The following VEZT variants were observed in gnomAD, a reference collection of about 807,000 sequenced individuals.
VEZT encodes vezatin, adherens junctions transmembrane protein, also known as vezatin.
A neutral mutation model predicts 79.9 loss-of-function variants in VEZT; 39 were observed. The observed-to-expected ratio is 0.49, with a 90% CI of 0.38 to 0.64. The LOEUF (loss-of-function observed/expected upper bound fraction) is 0.64. VEZT is among the 30% of genes least tolerant of loss of function. The pLI, the probability that VEZT is intolerant of heterozygous loss-of-function variation, is 0.00. For synonymous variants in VEZT, 325 were observed against 327.6 expected, an observed-to-expected ratio of 0.99 and a Z score of 0.09; for missense variants, 837 against 893.1, an observed-to-expected ratio of 0.94 and a Z score of 0.80.
intron 1 of VEZT, among the ~76,000 whole-genome samples, chr12:95,227,357 T>C (rs1289072487): frequency 7.7e-6 from 1 of 129,186 alleles, no homozygotes; most frequent in Non-Finnish European, 1.6e-5. Flanking sequence ...TTTTTTGAGA[T>C]GGAATTTTGT....
chr12:95,262,328 A>G (rs2064695803), intron 3 of VEZT: 2 of 152,262 alleles, frequency 1.3e-5, no homozygotes, highest in Admixed American at 1.3e-4. Context: ...CCTGGCTTAT[A>G]GAAGATATTC....
intron 1 of VEZT, among the ~76,000 whole-genome samples, chr12:95,235,434 C>T (rs2059940492): frequency 7.3e-6 from 1 of 136,928 alleles, no homozygotes. Flanking sequence ...CCACCTCCCT[C>T]CCGGACGGGG....
At chr12:95,258,211 C>CT (rs2063772958) in intron 3 of VEZT, 1 of 455,680 alleles carries the variant, frequency 2.2e-6, no homozygotes, top group South Asian at 1.5e-5. Context: ...AATGAAGTGT[C>CT]TTATCGTCTA....
At position 95,300,854 on chromosome 12, in the gene VEZT, C is replaced by T. The variant is rs1398030499; in HGVS notation, c.*181C>T. The T allele has an allele frequency of 7.9e-6, 6 of 759,952 alleles. No homozygotes were observed. Among genetic ancestry groups the T allele is most frequent in the Non-Finnish European group, 1.1e-5 (6 of 547,568 alleles). 47.1% of individuals were successfully genotyped at this position (759,952 alleles called of 1,614,324 possible). On this transcript the variant is annotated 3_prime_UTR_variant, in exon 12 of 12. Coordinates refer to ENST00000436874, the MANE Select transcript of VEZT (RefSeq NM_017599.4). ...TAGTAGTTACCTGTAAATGGCAGAT[C>T]TTTTAGGAAAATAAGAGAAAGGTAA...
At chr12:95,295,959 TA>T (rs2074050202) in intron 10 of VEZT, 91 bp from the exon 11 acceptor site, 3 of 989,652 alleles carry the variant, frequency 3.0e-6, no homozygotes, top group Non-Finnish European at 4.3e-6. Flanking sequence ...CCTTTTTTTT[TA>T]ATCTCAGAGA....
chr12:95,267,968 G>A (rs1004212554), intron 5 of VEZT, among the ~76,000 whole-genome samples: 1 of 151,950 alleles, frequency 6.6e-6, no homozygotes, highest in Non-Finnish European at 1.5e-5. Context: ...GCTGTAGTGA[G>A]CCAAGATTGT....
intron 9 of VEZT, chr12:95,293,549 A>G (rs1038647712): frequency 2.6e-5 from 4 of 152,244 alleles, no homozygotes; most frequent in Non-Finnish European, 4.4e-5. Context: ...TTCCTTGTGA[A>G]TTCATTTCCA....
intron 11 of VEZT, chr12:95,299,687 A>G (rs1301985059): frequency 6.6e-6 from 1 of 152,326 alleles, no homozygotes; most frequent in African/African-American, 2.4e-5. Context: ...ATGTATTATC[A>G]GTGAAAACCA....
chr12:95,244,123 C>T (rs1019973940), intron 1 of VEZT: 1 of 390,576 alleles, frequency 2.6e-6, no homozygotes, highest in Non-Finnish European at 5.0e-6. Flanking sequence ...TGGCCAGGCA[C>T]AGTGCCTTAC....
intron 1 of VEZT, among the ~76,000 whole-genome samples, chr12:95,243,549 T>C (rs2061329610): frequency 6.6e-6 from 1 of 152,092 alleles, no homozygotes; most frequent in East Asian, 1.9e-4. Context: ...TAAATAAAAA[T>C]AAAGCAAATA....
Position 95,266,558 on chromosome 12 carries a change from A to G in VEZT, c.636A>G (p.Arg212=), listed in dbSNP as rs2065578929. The change falls in exon 5 of 12, where the codon CGA becomes CGG. Residue 212 remains arginine (R), a synonymous_variant. Coordinates refer to ENST00000436874, the MANE Select transcript of VEZT (RefSeq NM_017599.4). Reference sequence around the variant, plus strand: ...TGGAAGATATGGCCACAAACAGCCGAGCTTTTACTAACCTCGTGAGAAAAG... The same window carrying G: ...TGGAAGATATGGCCACAAACAGCCGGGCTTTTACTAACCTCGTGAGAAAAG... The part of the protein sequence containing the change: ...VHLEDMATNS[R]AFTNLVRKAL... 1 of 1,613,958 alleles carries G rather than the reference A, an allele frequency of 6.2e-7. No homozygotes were observed. The highest frequency in any genetic ancestry group is 8.5e-7 in the Non-Finnish European group (1 of 1,179,884).
intron 1 of VEZT, among the ~76,000 whole-genome samples, chr12:95,231,739 T>C (rs2059304101): frequency 6.6e-6 from 1 of 152,190 alleles, no homozygotes; most frequent in Admixed American, 6.5e-5. Context: ...ATCTTTAATA[T>C]CCTATGATAT....
At chr12:95,268,278 G>A (rs188762724) in intron 5 of VEZT, among the ~76,000 whole-genome samples, 2 of 152,174 alleles carry the variant, frequency 1.3e-5, no homozygotes, top group East Asian at 1.9e-4. Flanking sequence ...GGCGGATCAC[G>A]AGGTCAGGAG....
chr12:95,285,057 G>C (rs969853914), intron 8 of VEZT, among the ~76,000 whole-genome samples: 6 of 136,962 alleles, frequency 4.4e-5, no homozygotes, highest in African/African-American at 1.4e-4. Context: ...CTGCACTCCA[G>C]CCTGGGTGAC....
chr12:95,287,752 CAG>C lies in VEZT; in HGVS notation c.1419_1420del (p.Lys474IlefsTer32). On this transcript the variant is annotated frameshift_variant, in exon 9 of 12. Coordinates refer to ENST00000436874, the MANE Select transcript of VEZT (RefSeq NM_017599.4). LOFTEE classifies it high-confidence loss of function. ...GTCAGAGGCTTATCCCATCCTAGAACAGAAATTAAAGTTGATTCAGCCCCACG... is the reference window on the plus strand; with the variant it reads ...GTCAGAGGCTTATCCCATCCTAGAACAAATTAAAGTTGATTCAGCCCCACG... The part of the protein sequence containing the change: ...LVSEAYPILE[Q>X]KLKLIQPHVQ... 1.2e-6 allele frequency: 2 copies of C among 1,605,200 alleles called. No individual in the cohort carries two copies. Among genetic ancestry groups the C allele is most frequent in the Non-Finnish European group, 1.7e-6 (2 of 1,175,420 alleles).
intron 6 of VEZT, among the ~76,000 whole-genome samples, chr12:95,272,107 C>T (rs953172766): frequency 3.3e-5 from 5 of 152,038 alleles, no homozygotes; most frequent in South Asian, 2.1e-4. Context: ...AAGGTCAAGG[C>T]GCAGTGAGCT....
At chr12:95,294,549 T>C (rs903088163) in intron 10 of VEZT, among the ~76,000 whole-genome samples, 177 bp downstream of exon 10, 8 of 152,226 alleles carry the variant, frequency 5.3e-5, no homozygotes, top group African/African-American at 1.7e-4. Context: ...TAATTGTCTA[T>C]ATCTGAGTGG....
chr12:95,241,407 C>G (rs1376342972), intron 1 of VEZT, among the ~76,000 whole-genome samples: 1 of 152,038 alleles, frequency 6.6e-6, no homozygotes, highest in Non-Finnish European at 1.5e-5. Flanking sequence ...CAGGCTCAAG[C>G]AATCCTTCAC....
intron 6 of VEZT, among the ~76,000 whole-genome samples, chr12:95,270,413 A>G (rs1054737021): frequency 6.6e-6 from 1 of 152,202 alleles, no homozygotes; most frequent in African/African-American, 2.4e-5. Flanking sequence ...TTAAACAAGG[A>G]AAAAACTTGA....
Sources: allele counts gnomAD v4.1 joint callset (sites outside exome capture counted in the v4.1 genomes callset), GRCh38; gene constraint gnomAD v4.1.1; transcripts MANE v1.5; gene names NCBI Gene and HGNC (gene_info 2026-07-23, HGNC 2026-07-21).